Variants in PCDH9 observed in about 807,000 individuals in gnomAD.
PCDH9 encodes the protein protocadherin-9.
Under a neutral mutation model 70.6 loss-of-function variants are expected in PCDH9, and 24 were observed. The observed-to-expected ratio is 0.34, with a 90% CI of 0.25 to 0.48. The LOEUF is 0.48. PCDH9 is among the 20% of genes least tolerant of loss of function. PCDH9 has a pLI of 0.99. For missense variants in PCDH9, 1,281 were observed against 1,503.6 expected (o/e 0.85, Z 2.45); for synonymous variants, 562 against 558.5 (o/e 1.01, Z -0.09).
At chr13:66,884,895 T>C (rs1431858770) in intron 3 of PCDH9, among the ~76,000 whole-genome samples, 2 of 152,144 alleles carry the variant, frequency 1.3e-5, no homozygotes, top group Non-Finnish European at 1.5e-5. Context: ...TTTTAAAGCA[T>C]TTATATTCTT....
rs997875315 is a variant in PCDH9 at position 66,521,182 on chromosome 13, T to C, written c.3340+110028A>G. Among the ~76,000 whole-genome samples, 7 of 152,258 alleles carry C rather than the reference T, an allele frequency of 4.6e-5. No individual in the cohort carries two copies. In the South Asian group the frequency reaches 8.3e-4, roughly 18 times the overall value. On this transcript the variant is annotated intron_variant, in intron 4 of 4. Transcript: ENST00000377865. Reference sequence around the variant, plus strand: ...AAGACCTGCATTTAAATCTTTTTTTTCCCTCTGTTGAAAGTATGGCTATGA... The same window carrying C: ...AAGACCTGCATTTAAATCTTTTTTTCCCCTCTGTTGAAAGTATGGCTATGA...
Position 66,898,736 on chromosome 13 carries a change from G to T in PCDH9, c.3138+4768C>A, listed in dbSNP as rs550531850. On this transcript the variant is annotated intron_variant, in intron 3 of 4. Transcript: ENST00000377865. ...AGACCAAGTAAGACAAAAGCAAAAG[G>T]GTTTTGGCTTTATATCTTTCCTATT... Among the ~76,000 whole-genome samples, 6 of 151,976 alleles carry T rather than the reference G, an allele frequency of 3.9e-5. No homozygotes were observed. In the South Asian group the frequency reaches 1.2e-3, roughly 32 times the overall value.
intron 4 of PCDH9, among the ~76,000 whole-genome samples, chr13:66,442,676 C>G (rs999874722): frequency 6.8e-6 from 1 of 147,150 alleles, no homozygotes; most frequent in Non-Finnish European, 1.5e-5. Context: ...GTTTTTTTTT[C>G]AGTCTTGTCT....
chr13:66,843,597 C>T (rs1318781255), intron 3 of PCDH9, among the ~76,000 whole-genome samples: 1 of 152,200 alleles, frequency 6.6e-6, no homozygotes, highest in East Asian at 1.9e-4. Context: ...CCATTAGAAA[C>T]AGCACCTTCT....
chr13:66,559,625 C>T (rs1961905649), intron 4 of PCDH9, among the ~76,000 whole-genome samples: 1 of 151,434 alleles, frequency 6.6e-6, no homozygotes, highest in South Asian at 2.1e-4. Context: ...ACAGTGAAAC[C>T]CCATCTCTAC....
chr13:66,849,969 C>G (rs1350360997), intron 3 of PCDH9, among the ~76,000 whole-genome samples: 1 of 152,132 alleles, frequency 6.6e-6, no homozygotes, highest in Admixed American at 6.5e-5. Flanking sequence ...AAGGAAAGGT[C>G]AGTCCCTAGC....
intron 3 of PCDH9, among the ~76,000 whole-genome samples, chr13:66,669,178 G>T (rs1593865799): frequency 1.3e-5 from 2 of 152,130 alleles, no homozygotes; most frequent in African/African-American, 4.8e-5. Context: ...ATAAAATTTA[G>T]TTCCTAATTG....
chr13:66,415,418 T>C (rs1382320985), intron 4 of PCDH9, among the ~76,000 whole-genome samples: 1 of 152,186 alleles, frequency 6.6e-6, no homozygotes, highest in Admixed American at 6.6e-5. Flanking sequence ...CACTTGTGTC[T>C]ATATCATCAT....
chr13:67,140,013 G>C (rs1231871766), intron 2 of PCDH9, among the ~76,000 whole-genome samples: 1 of 103,778 alleles, frequency 9.6e-6, no homozygotes, highest in Non-Finnish European at 2.1e-5. Context: ...CTGAAAATGT[G>C]ATTTTTTGAT....
At chr13:66,969,374 T>A (rs1003352398) in intron 2 of PCDH9, among the ~76,000 whole-genome samples, 1 of 152,012 alleles carries the variant, frequency 6.6e-6, no homozygotes, top group African/African-American at 2.4e-5. Flanking sequence ...CCCATTGTTA[T>A]ATTCAGCAGC....
chr13:67,212,113 C>T (rs954205253), intron 2 of PCDH9: 27 of 152,082 alleles, frequency 1.8e-4, no homozygotes, highest in African/African-American at 4.1e-4. Flanking sequence ...ATTTTATTAA[C>T]ACCTTTGCCT....
chr13:67,083,118 C>A (rs921815336), intron 2 of PCDH9, among the ~76,000 whole-genome samples: 4 of 151,956 alleles, frequency 2.6e-5, no homozygotes, highest in African/African-American at 9.7e-5. Flanking sequence ...AATAAAATAA[C>A]CGTATAAAAA....
chr13:66,633,636 A>G (rs1477691516), intron 3 of PCDH9, among the ~76,000 whole-genome samples: 1 of 152,154 alleles, frequency 6.6e-6, no homozygotes, highest in African/African-American at 2.4e-5. Flanking sequence ...TTATCTCTTG[A>G]GGAATACCTC....
intron 4 of PCDH9, among the ~76,000 whole-genome samples, chr13:66,356,617 A>C (rs1593851051): frequency 6.6e-6 from 1 of 152,114 alleles, no homozygotes; most frequent in Non-Finnish European, 1.5e-5. Flanking sequence ...TTTTACACAA[A>C]AGGCAAGTGA....
intron 3 of PCDH9, among the ~76,000 whole-genome samples, chr13:66,837,379 G>C (rs879414095): frequency 2.6e-5 from 4 of 152,118 alleles, no homozygotes; most frequent in Non-Finnish European, 5.9e-5. Flanking sequence ...GTGGGGAAAA[G>C]TGAGGAATGA....
chr13:66,363,132 T>C (rs1956499213), intron 4 of PCDH9, among the ~76,000 whole-genome samples: 1 of 152,072 alleles, frequency 6.6e-6, no homozygotes, highest in African/African-American at 2.4e-5. Flanking sequence ...TGAGCTGAGA[T>C]TGCACCACTG....
At chr13:66,525,525 A>T (rs559696659) in intron 4 of PCDH9, among the ~76,000 whole-genome samples, 1 of 152,122 alleles carries the variant, frequency 6.6e-6, no homozygotes, top group Non-Finnish European at 1.5e-5. Flanking sequence ...ATCTTTTTCC[A>T]TCTTAAAACA....
chr13:67,226,973 T>A lies in PCDH9; in HGVS notation c.1468A>T (p.Thr490Ser). The stretch of plus-strand genomic sequence containing the variant: ...CTGTCTTCATCTGTGGCACTAATAG[T>A]TGTTAAGTATAACCCACGTCGGTTG... ...ENNRRGLYLT[T>S]ISATDEDSGK... Residue 490 changes from threonine to serine, a missense_variant, in exon 2 of 5, where the codon ACT becomes TCT. Around this residue, in one of 4 missense-constraint regions of PCDH9, gnomAD observed 798 missense variants for 1,003.1 expected, o/e 0.80. Transcript: ENST00000377865. The surrounding 1 kb of genome is among the most constrained non-coding windows in gnomAD (Gnocchi z 5.0). The A allele has an allele frequency of 6.2e-7, 1 of 1,614,232 alleles. No homozygotes were observed. Among genetic ancestry groups the A allele is most frequent in the Non-Finnish European group, 8.5e-7 (1 of 1,180,034 alleles).
intron 4 of PCDH9, among the ~76,000 whole-genome samples, chr13:66,486,380 C>T (rs1370831420): frequency 2.0e-5 from 3 of 151,992 alleles, no homozygotes; most frequent in Non-Finnish European, 4.4e-5. Context: ...TTGCTTGAGC[C>T]TAGGAGGTCA....
Sources: allele counts gnomAD v4.1 joint callset (sites outside exome capture counted in the v4.1 genomes callset), GRCh38; gene constraint gnomAD v4.1.1; regional missense constraint gnomAD v4.1.1; non-coding constraint Gnocchi (gnomAD v3.1); transcripts MANE v1.5; gene names NCBI Gene and HGNC (gene_info 2026-07-23, HGNC 2026-07-21).